Variants in SEC63 observed in about 807,000 individuals in gnomAD.
SEC63 encodes translocation protein SEC63 homolog.
In SEC63, 56 loss-of-function variants were observed where a neutral mutation model predicts 116.2. That is an observed-to-expected ratio of 0.48 (90% CI 0.39 to 0.60). The LOEUF is 0.60. Ranked by LOEUF, SEC63 falls within the 20% of genes least tolerant of loss-of-function variation. The pLI, the probability that SEC63 is intolerant of heterozygous loss-of-function variation, is 0.00. For missense variants in SEC63, 668 were observed against 900.0 expected, an observed-to-expected ratio of 0.74 and a Z score of 3.30; for synonymous variants, 273 against 294.6, an observed-to-expected ratio of 0.93 and a Z score of 0.75.
intron 4 of SEC63, among the ~76,000 whole-genome samples, chr6:107,914,908 T>G (rs1394850858): frequency 6.6e-6 from 1 of 152,150 alleles, no homozygotes; most frequent in Non-Finnish European, 1.5e-5. Flanking sequence ...CACTCTGATT[T>G]TGCAACCTAC....
At chr6:107,952,416 G>A (rs1770598984) in intron 1 of SEC63, among the ~76,000 whole-genome samples, 1 of 152,054 alleles carries the variant, frequency 6.6e-6, no homozygotes, top group African/African-American at 2.4e-5. Context: ...AAAATTGAAA[G>A]TCCCAAATGT....
At chr6:107,933,423 G>A (rs544557951) in intron 1 of SEC63, among the ~76,000 whole-genome samples, 3 of 152,188 alleles carry the variant, frequency 2.0e-5, no homozygotes, top group South Asian at 4.1e-4. Flanking sequence ...TCAAGTGATC[G>A]GTGAGCATCG....
At chr6:107,891,565 G>C (rs1040022399) in intron 16 of SEC63, among the ~76,000 whole-genome samples, 1 of 152,074 alleles carries the variant, frequency 6.6e-6, no homozygotes, top group African/African-American at 2.4e-5. Flanking sequence ...GCTTCTGTCA[G>C]TTCGTCACAT....
intron 1 of SEC63, among the ~76,000 whole-genome samples, chr6:107,935,008 C>A (rs1269351010): frequency 7.6e-6 from 1 of 131,376 alleles, no homozygotes; most frequent in African/African-American, 3.0e-5. Context: ...GTCAGCCCCC[C>A]GCCCGGCCAG....
intron 10 of SEC63, among the ~76,000 whole-genome samples, chr6:107,904,934 A>G (rs1480315407): frequency 1.3e-5 from 2 of 152,194 alleles, no homozygotes; most frequent in East Asian, 3.8e-4. Flanking sequence ...TTCAAAGACA[A>G]ATTTTTAATA....
intron 1 of SEC63, among the ~76,000 whole-genome samples, chr6:107,942,352 T>C (rs1004384282): frequency 2.0e-5 from 3 of 152,290 alleles, no homozygotes; most frequent in Non-Finnish European, 4.4e-5. Context: ...TGTACTGAAG[T>C]TCAAGGGCAG....
At chr6:107,897,146 G>A (rs1447786081) in intron 14 of SEC63, among the ~76,000 whole-genome samples, 3 of 152,096 alleles carry the variant, frequency 2.0e-5, no homozygotes, top group East Asian at 1.9e-4. Flanking sequence ...GCCTCAAAAC[G>A]AATCATCTCG....
intron 11 of SEC63, among the ~76,000 whole-genome samples, chr6:107,903,611 A>G (rs1468951676): frequency 2.0e-5 from 3 of 152,194 alleles, no homozygotes; most frequent in East Asian, 1.9e-4. Context: ...GAGCTAAGGT[A>G]GAAGGACTGC....
chr6:107,916,640 G>A (rs971337322), intron 4 of SEC63, among the ~76,000 whole-genome samples: 3 of 152,206 alleles, frequency 2.0e-5, no homozygotes, highest in Admixed American at 6.5e-5. Flanking sequence ...CCAACAGCAT[G>A]TGCTCACTTC....
In SEC63 at chr6:107,883,245, ACT is replaced by A; in HGVS notation, c.1675-101_1675-100del. On this transcript the variant is annotated intron_variant, in intron 16 of 20. Transcript: ENST00000369002. ...ACTTATTGTCAATTTAACTAAACTG[ACT>A]CGATGACAATTTCACTATTCATATA... is the stretch of plus-strand genomic sequence containing the variant. 3 of 1,425,016 alleles carry A rather than the reference ACT, an allele frequency of 2.1e-6. No individual in the cohort carries two copies. The South Asian group carries it at 3.7e-5, about 17-fold the overall frequency. 88.3% of individuals were successfully genotyped at this position (1,425,016 alleles called of 1,614,324 possible).
chr6:107,921,970 A>G (rs1183849258), intron 3 of SEC63, 61 bp from the exon 4 acceptor site: 2 of 962,688 alleles, frequency 2.1e-6, no homozygotes, highest in Non-Finnish European at 3.3e-6. Flanking sequence ...ACAATTCTGT[A>G]AAGAAATAAT....
chr6:107,958,177 G>C lies in SEC63; in HGVS notation c.-168C>G. ...CGGACACGCCGCCGCCACCTCTGCC[G>C]CTGCCGCCGCCGTCGCCAGCTCTCG... On this transcript the variant is annotated 5_prime_UTR_variant, in exon 1 of 21. Transcript: ENST00000369002. The C allele has an allele frequency of 9.7e-7, 1 of 1,028,172 alleles. No individual in the cohort carries two copies. The highest frequency in any genetic ancestry group is 1.4e-5 in the South Asian group (1 of 69,178). The allele number at this position is 1,028,172 out of a possible 1,614,324, so 63.7% of individuals were successfully genotyped here.
intron 12 of SEC63, among the ~76,000 whole-genome samples, chr6:107,901,951 C>T (rs1350848317): frequency 6.6e-6 from 1 of 151,950 alleles, no homozygotes; most frequent in Non-Finnish European, 1.5e-5. Context: ...AATAAAGACG[C>T]ACCTTCAAAG....
At chr6:107,893,719 A>C in intron 15 of SEC63, 64 bp from the exon 16 acceptor site, 2 of 1,604,242 alleles carry the variant, frequency 1.2e-6, no homozygotes, top group Non-Finnish European at 1.7e-6. Flanking sequence ...GGTTGTAGTA[A>C]TTTTTAGGTG....
chr6:107,872,174 C>A (rs545460240), intron 20 of SEC63, among the ~76,000 whole-genome samples: 1 of 152,212 alleles, frequency 6.6e-6, no homozygotes, highest in African/African-American at 2.4e-5. Flanking sequence ...TTAACAGAAG[C>A]CTTCTGCTTT....
Position 107,901,469 on chromosome 6 carries a change from G to A in SEC63, c.1258C>T (p.Arg420Cys), listed in dbSNP as rs192072257. 7.3e-5 allele frequency: 118 copies of A among 1,608,394 alleles called. No homozygotes were observed. The highest frequency in any genetic ancestry group is 4.0e-4 in the East Asian group (18 of 44,746). The change falls in exon 13 of 21, where the codon CGT becomes TGT. Residue 420 changes from arginine to cysteine, a missense_variant. Arg to Cys is a radical substitution (Grantham distance 180). This residue lies in a region of SEC63 where 430 missense variants were observed against 557.5 expected (regional missense o/e 0.77). Transcript: ENST00000369002. Reference protein sequence around the residue: ...QDLVSLKESDRHTLLHFLEDE... With the variant: ...QDLVSLKESDCHTLLHFLEDE... ...TCAAGGAAGTGCAGTAGAGTGTGAC[G>A]ATCTGATTCTTTTAAACTCACCAAA...
Position 107,868,022 on chromosome 6 carries a change from T to C in SEC63, c.*3682A>G, listed in dbSNP as rs1209082968. 1 of 152,170 alleles carries C rather than the reference T, an allele frequency of 6.6e-6. No homozygotes were observed. Among genetic ancestry groups the C allele is most frequent in the Non-Finnish European group, 1.5e-5 (1 of 68,038 alleles). The allele number at this position is 152,170 out of a possible 1,614,324, so 9.4% of individuals were successfully genotyped here. A position where few individuals can be genotyped will look rare whatever the true frequency, so the allele number is the denominator to read the frequency against. Reference sequence around the variant, plus strand: ...ACAGAAATATGTACAAGATCGCATCTTTTTAAGTTTTGCAAAATAGCCCTA... The same window carrying C: ...ACAGAAATATGTACAAGATCGCATCCTTTTAAGTTTTGCAAAATAGCCCTA... On this transcript the variant is annotated 3_prime_UTR_variant, in exon 21 of 21. Coordinates refer to ENST00000369002, the MANE Select transcript of SEC63 (RefSeq NM_007214.5).
intron 2 of SEC63, among the ~76,000 whole-genome samples, chr6:107,925,603 T>C (rs1787657737): frequency 6.6e-6 from 1 of 152,126 alleles, no homozygotes; most frequent in Non-Finnish European, 1.5e-5. Context: ...GTGAGTAAAA[T>C]TATGTAAAAG....
chr6:107,927,297 CT>C (rs1787697082), intron 2 of SEC63, among the ~76,000 whole-genome samples: 1 of 152,104 alleles, frequency 6.6e-6, no homozygotes, highest in Non-Finnish European at 1.5e-5. Context: ...AACTCCTGAC[CT>C]CAGGGGATCC....
Sources: gnomAD v4.1 joint callset for allele counts (sites outside exome capture counted in the v4.1 genomes callset) on GRCh38, gnomAD v4.1.1 for gene constraint, gnomAD v4.1.1 regional missense constraint, MANE v1.5 for transcripts, NCBI Gene and HGNC (gene_info 2026-07-23, HGNC 2026-07-21) for gene names.